TLL1: variants seen among roughly 807,000 people sequenced by gnomAD.
The protein encoded by TLL1 is tolloid-like protein 1.
TLL1 carries 49 observed loss-of-function variants against 128.2 expected under a neutral mutation model. The observed-to-expected ratio is 0.38, with a 90% CI of 0.30 to 0.48. The LOEUF (loss-of-function observed/expected upper bound fraction) is 0.48. Ranked by LOEUF, TLL1 falls within the 20% of genes least tolerant of loss-of-function variation. The pLI is 0.96. For synonymous variants in TLL1, 454 were observed against 418.8 expected (o/e 1.08, Z -1.03); for missense variants, 1,123 against 1,242.0 (o/e 0.90, Z 1.44).
At chr4:166,054,279 A>G (rs1172762321) in intron 12 of TLL1, among the ~76,000 whole-genome samples, 2 of 152,206 alleles carry the variant, frequency 1.3e-5, no homozygotes, top group Admixed American at 1.3e-4. Flanking sequence ...TAGACTGAGG[A>G]AGAACAGTAA....
intron 15 of TLL1, among the ~76,000 whole-genome samples, chr4:166,062,079 C>G (rs1017122145): frequency 3.9e-5 from 6 of 152,146 alleles, no homozygotes; most frequent in South Asian, 2.1e-4. Context: ...TGATCTATAT[C>G]TCTGTGTTGG....
At position 166,025,394 on chromosome 4, in the gene TLL1, A is replaced by T; in HGVS notation, c.1121A>T (p.His374Leu). 1 of 1,613,858 alleles carries T rather than the reference A, an allele frequency of 6.2e-7. No individual in the cohort carries two copies. The highest frequency in any genetic ancestry group is 8.5e-7 in the Non-Finnish European group (1 of 1,179,846). ...CCCAATGGCTACCCTTCTTACACAC[A>T]CTGCATCTGGAGAGTTTCTGTGACC... ...GFPNGYPSYT[H>L]CIWRVSVTPG... The change falls in exon 9 of 21, where the codon CAC (histidine) becomes CTC (leucine). Residue 374 changes from histidine (H) to leucine (L), a missense_variant. Around this residue, in one of 3 missense-constraint regions of TLL1, gnomAD observed 480 missense variants for 542.4 expected, o/e 0.89. Transcript: ENST00000061240.
rs1740680055 is a variant in TLL1, at chr4:166,068,609, G to A, written c.2188+2746G>A. 2.0e-5 allele frequency among the ~76,000 whole-genome samples: 3 copies of A among 151,762 alleles called. No homozygotes were observed. The South Asian group carries it at 6.2e-4, about 31-fold the overall frequency. On this transcript the variant is annotated intron_variant, in intron 16 of 20. Transcript: ENST00000061240. Reference sequence around the variant, plus strand: ...ATTCTATAGAAAGAAATTTGGCATAGAAATCAAGAGTCATTAAAATGACTA... The same window carrying A: ...ATTCTATAGAAAGAAATTTGGCATAAAAATCAAGAGTCATTAAAATGACTA...
At chr4:165,962,528 T>C (rs1735158819) in intron 1 of TLL1, among the ~76,000 whole-genome samples, 1 of 152,178 alleles carries the variant, frequency 6.6e-6, no homozygotes, top group Non-Finnish European at 1.5e-5. Flanking sequence ...CTCGAAGAAC[T>C]GAGAGTCAAA....
Position 166,102,484 on chromosome 4 carries a change from C to T in TLL1, c.*1608C>T, listed in dbSNP as rs1742338443. On this transcript the variant is annotated 3_prime_UTR_variant, in exon 21 of 21. Coordinates refer to ENST00000061240, the MANE Select transcript of TLL1 (RefSeq NM_012464.5). ...GAATTCCATTTGAAATAGCACCTTC[C>T]TTAGGTTTCATGGACAAATAATGGG... 1 of 152,160 alleles carries T rather than the reference C, an allele frequency of 6.6e-6. No homozygotes were observed. Among genetic ancestry groups the T allele is most frequent in the South Asian group, 2.1e-4 (1 of 4,818 alleles). 9.4% of individuals were successfully genotyped at this position (152,160 alleles called of 1,614,324 possible).
At chr4:166,061,487 C>T (rs1248524003) in intron 15 of TLL1, among the ~76,000 whole-genome samples, 5 of 151,924 alleles carry the variant, frequency 3.3e-5, no homozygotes, top group African/African-American at 4.8e-5. Context: ...TCAAGTGATC[C>T]GCCTGCCTCA....
rs118153145 is a variant in TLL1 at position 165,924,821 on chromosome 4, G to T, written c.169+50748G>T. Among the ~76,000 whole-genome samples, 350 of 152,266 alleles carry T rather than the reference G, an allele frequency of 2.3e-3. 2 individuals carry two copies. In the East Asian group the frequency reaches 0.043, roughly 19 times the overall value. On this transcript the variant is annotated intron_variant, in intron 1 of 20. Coordinates refer to ENST00000061240, the MANE Select transcript of TLL1 (RefSeq NM_012464.5). ...GACTCTTTTGTTAGGAACTAAGGCA[G>T]CTAATGACTTTAAGTTAAAGCCAAC...
rs553804897 is a variant in TLL1, at chr4:166,096,970, A to G, written c.2657-2307A>G. Among the ~76,000 whole-genome samples, 13 of 152,232 alleles carry G rather than the reference A, an allele frequency of 8.5e-5. No individual in the cohort carries two copies. The South Asian group carries it at 2.7e-3, about 32-fold the overall frequency. On this transcript the variant is annotated intron_variant, in intron 19 of 20. Coordinates refer to ENST00000061240, the MANE Select transcript of TLL1 (RefSeq NM_012464.5). ...GTAGAGTACAGATGATGGCATTTAC[A>G]TGTGCTCATAGGAAAATAATAACAA...
chr4:166,006,425 A>C (rs1183142707), intron 6 of TLL1, among the ~76,000 whole-genome samples: 1 of 151,740 alleles, frequency 6.6e-6, no homozygotes, highest in East Asian at 1.9e-4. Context: ...TGTATTGCTG[A>C]AGTTGCGTAA....
intron 6 of TLL1, among the ~76,000 whole-genome samples, chr4:166,005,820 G>C (rs1288408169): frequency 6.6e-6 from 1 of 151,790 alleles, no homozygotes; most frequent in East Asian, 1.9e-4. Flanking sequence ...ATAGGATCCT[G>C]TTTCAATATA....
intron 1 of TLL1, among the ~76,000 whole-genome samples, chr4:165,919,382 CAAAAAA>C (rs1163238067): frequency 5.3e-5 from 4 of 75,254 alleles, no homozygotes; most frequent in Admixed American, 1.5e-4. Flanking sequence ...GACCCTGCTT[CAAAAAA>C]AAAAAAAAAA....
chr4:166,081,234 C>T (rs1333571677), intron 18 of TLL1, among the ~76,000 whole-genome samples: 1 of 152,088 alleles, frequency 6.6e-6, no homozygotes, highest in Admixed American at 6.6e-5. Flanking sequence ...TTTGTTTTGT[C>T]TGTTTTGTTT....
intron 1 of TLL1, among the ~76,000 whole-genome samples, chr4:165,956,770 GAAATTAT>G (rs1350405617): frequency 2.0e-5 from 3 of 152,070 alleles, no homozygotes; most frequent in African/African-American, 7.2e-5. Context: ...ATAGGCATAA[GAAATTAT>G]AAAAGTATAA....
chr4:165,984,315 T>G (rs1579582150), intron 1 of TLL1, among the ~76,000 whole-genome samples: 1 of 152,078 alleles, frequency 6.6e-6, no homozygotes, highest in Non-Finnish European at 1.5e-5. Flanking sequence ...GGGAGATTTA[T>G]TCTATGCACA....
At chr4:165,995,209 G>C in intron 5 of TLL1, 31 bp downstream of exon 5, 3 of 1,446,946 alleles carry the variant, frequency 2.1e-6, no homozygotes, top group Non-Finnish European at 2.9e-6. Flanking sequence ...ACTGACTTAA[G>C]GAAAAAAAAA....
chr4:165,985,996 C>T (rs373766035), intron 1 of TLL1, among the ~76,000 whole-genome samples: 23 of 151,186 alleles, frequency 1.5e-4, no homozygotes, highest in Admixed American at 5.3e-4. Flanking sequence ...TTCCTAGTAT[C>T]GTCCCAATAA....
Position 166,077,932 on chromosome 4 carries a change from A to G in TLL1, c.2344A>G (p.Ser782Gly). 5 of 1,613,622 alleles carry G rather than the reference A, an allele frequency of 3.1e-6. No homozygotes were observed. The highest frequency in any genetic ancestry group is 2.2e-5 in the East Asian group (1 of 44,764). Residue 782 changes from serine to glycine, a missense_variant, in exon 18 of 21, where the codon AGT becomes GGT. By Grantham distance (56) the Ser-to-Gly change is moderately conservative. Around this residue, in one of 3 missense-constraint regions of TLL1, gnomAD observed 634 missense variants for 672.4 expected, o/e 0.94. Coordinates refer to ENST00000061240, the MANE Select transcript of TLL1 (RefSeq NM_012464.5). ...AECEQKIHSP[S>G]GLITSPNWPD... is the part of the protein sequence containing the mutation. Reference sequence around the variant, plus strand: ...GTGTGAACAGAAGATCCACAGTCCAAGTGGCCTCATCACCAGTCCCAACTG... The same window carrying G: ...GTGTGAACAGAAGATCCACAGTCCAGGTGGCCTCATCACCAGTCCCAACTG...
At chr4:166,020,168 T>C (rs987142398) in intron 8 of TLL1, among the ~76,000 whole-genome samples, 1 of 152,144 alleles carries the variant, frequency 6.6e-6, no homozygotes, top group Non-Finnish European at 1.5e-5. Context: ...GAAAGGAATG[T>C]AGAGCTGCTC....
At chr4:166,032,018 G>A (rs564837395) in intron 9 of TLL1, among the ~76,000 whole-genome samples, 11 of 152,108 alleles carry the variant, frequency 7.2e-5, no homozygotes, top group African/African-American at 1.4e-4. Context: ...CTTATCTAAC[G>A]TCACACATGT....
Sources: allele counts gnomAD v4.1 joint callset (sites outside exome capture counted in the v4.1 genomes callset), GRCh38; gene constraint gnomAD v4.1.1; regional missense constraint gnomAD v4.1.1; transcripts MANE v1.5; gene names NCBI Gene and HGNC (gene_info 2026-07-23, HGNC 2026-07-21).